CMIP: variants seen among roughly 807,000 people sequenced by gnomAD.
CMIP encodes the protein c-Maf inducing protein, also known as C-Maf-inducing protein.
In CMIP, 13 loss-of-function variants were observed where a neutral mutation model predicts 97.3. The observed-to-expected ratio is 0.13, with a 90% confidence interval of 0.09 to 0.21. The LOEUF is 0.21. Among genes scored for constraint, CMIP ranks in the 10% least tolerant of loss-of-function variants. The pLI, the probability that CMIP is intolerant of heterozygous loss-of-function variation, is 1.00. For synonymous variants in CMIP, 538 were observed against 436.3 expected (o/e 1.23, Z -2.91); for missense variants, 847 against 1,024.9 (o/e 0.83, Z 2.37).
chr16:81,505,716 C>T (rs933098059), intron 1 of CMIP, among the ~76,000 whole-genome samples: 1 of 152,226 alleles, frequency 6.6e-6, no homozygotes, highest in Non-Finnish European at 1.5e-5. Flanking sequence ...ACAGGCTGGG[C>T]ACGGTGGCTC....
intron 1 of CMIP, among the ~76,000 whole-genome samples, chr16:81,587,812 G>A (rs1408204850): frequency 6.6e-6 from 1 of 152,218 alleles, no homozygotes; most frequent in Non-Finnish European, 1.5e-5. Flanking sequence ...GAGGGTGAGA[G>A]CCTCAGATGT....
intron 1 of CMIP, among the ~76,000 whole-genome samples, chr16:81,456,100 T>C (rs529324148): frequency 6.6e-6 from 1 of 152,322 alleles, no homozygotes; most frequent in South Asian, 2.1e-4. Flanking sequence ...ACCCTGTGAC[T>C]GAGGCTTGCT....
At chr16:81,566,374 A>G (rs1162027452) in intron 1 of CMIP, among the ~76,000 whole-genome samples, 1 of 151,964 alleles carries the variant, frequency 6.6e-6, no homozygotes, top group Non-Finnish European at 1.5e-5. Flanking sequence ...TTCCTCCCTC[A>G]CTGCTGCTGT....
At chr16:81,615,472 T>C (rs908421862) in intron 2 of CMIP, among the ~76,000 whole-genome samples, 1 of 143,848 alleles carries the variant, frequency 7.0e-6, no homozygotes, top group African/African-American at 2.6e-5. Flanking sequence ...TGTATGTGTA[T>C]TTGTGTGTGT....
chr16:81,669,256 A>C (rs1597223291), intron 7 of CMIP, among the ~76,000 whole-genome samples: 1 of 78,598 alleles, frequency 1.3e-5, no homozygotes. Context: ...CACCTCTCAC[A>C]CTCACCTCCT....
Position 81,691,968 on chromosome 16 carries a change from G to C in CMIP, c.1454+128G>C. The stretch of plus-strand genomic sequence containing the variant: ...GTCACAGCGGGAAGACCCTGGAGAC[G>C]TCGGTACCAGCTCAGCCACGTCCTC... On this transcript the variant is annotated intron_variant, in intron 11 of 20. Transcript: ENST00000537098. 1.1e-5 allele frequency: 9 copies of C among 794,722 alleles called. No individual in the cohort carries two copies. The South Asian group carries it at 1.4e-4, about 12-fold the overall frequency. The allele number at this position is 794,722 out of a possible 1,614,324, so 49.2% of individuals were successfully genotyped here. A position where few individuals can be genotyped will look rare whatever the true frequency, so the allele number is the denominator to read the frequency against.
intron 3 of CMIP, among the ~76,000 whole-genome samples, chr16:81,629,333 A>C (rs1014201086): frequency 6.6e-6 from 1 of 151,136 alleles, no homozygotes; most frequent in African/African-American, 2.4e-5. Context: ...CCCCAAACAC[A>C]CTGGTCGCTG....
intron 17 of CMIP, 84 bp from the exon 18 acceptor site, chr16:81,703,855 G>C: frequency 6.7e-7 from 1 of 1,485,824 alleles, no homozygotes. Flanking sequence ...GGCGAGGGGA[G>C]AGGAGGAGGA....
At chr16:81,470,239 A>G (rs1377654566) in intron 1 of CMIP, among the ~76,000 whole-genome samples, 2 of 152,222 alleles carry the variant, frequency 1.3e-5, no homozygotes, top group Non-Finnish European at 1.5e-5. Context: ...TTTGAGACAA[A>G]GGCGCCGCAG....
intron 1 of CMIP, among the ~76,000 whole-genome samples, chr16:81,595,703 A>G (rs796297142): frequency 6.6e-6 from 1 of 152,106 alleles, no homozygotes; most frequent in South Asian, 2.1e-4. Flanking sequence ...TAATACTTTC[A>G]AGGTTCATCC....
intron 1 of CMIP, among the ~76,000 whole-genome samples, chr16:81,545,600 A>G (rs1240139236): frequency 2.0e-5 from 3 of 152,154 alleles, no homozygotes; most frequent in Non-Finnish European, 2.9e-5. Flanking sequence ...GCTGGAGAGA[A>G]GTGACTTGGT....
At chr16:81,702,540 T>C (rs1907536986) in intron 16 of CMIP, 82 bp from the exon 17 acceptor site, 7 of 1,335,852 alleles carry the variant, frequency 5.2e-6, no homozygotes, top group Non-Finnish European at 7.4e-6. Flanking sequence ...GATGGCTCCA[T>C]GAGTGTTGTT....
intron 10 of CMIP, 126 bp from the exon 11 acceptor site, chr16:81,691,646 TGGA>T: frequency 2.8e-6 from 2 of 717,690 alleles, no homozygotes; most frequent in Non-Finnish European, 5.0e-6. Context: ...TGGAAGTGGG[TGGA>T]GAAGTCAGTG....
intron 1 of CMIP, among the ~76,000 whole-genome samples, chr16:81,560,796 A>G (rs970312083): frequency 3.3e-5 from 5 of 152,218 alleles, no homozygotes; most frequent in African/African-American, 1.2e-4. Context: ...TACCTACAGT[A>G]TTCAGGACAA....
intron 1 of CMIP, among the ~76,000 whole-genome samples, chr16:81,553,430 C>T (rs955563866): frequency 6.6e-6 from 1 of 152,204 alleles, no homozygotes; most frequent in African/African-American, 2.4e-5. Context: ...GCGCTGGCCT[C>T]AGAGGTGCCT....
At chr16:81,562,029 A>G (rs961532247) in intron 1 of CMIP, among the ~76,000 whole-genome samples, 2 of 152,234 alleles carry the variant, frequency 1.3e-5, no homozygotes, top group Admixed American at 6.5e-5. Flanking sequence ...CTCAGGATCT[A>G]TCTGCTGGTA....
chr16:81,641,487 G>A (rs1008888731), intron 3 of CMIP, among the ~76,000 whole-genome samples: 1 of 152,194 alleles, frequency 6.6e-6, no homozygotes, highest in Admixed American at 6.5e-5. Context: ...CAGCTGGCCT[G>A]AAGAGCCAGG....
intron 10 of CMIP, among the ~76,000 whole-genome samples, chr16:81,689,391 C>G (rs1222652629): frequency 6.6e-6 from 1 of 152,198 alleles, no homozygotes; most frequent in Non-Finnish European, 1.5e-5. Flanking sequence ...TTTTCATTTG[C>G]ATTTCTCTGA....
chr16:81,711,353 C>G lies in CMIP; in HGVS notation c.*1554C>G, dbSNP rs1300876160. Reference sequence around the variant, plus strand: ...TTTGCTAGGTAGACTTTATTACCCCCCCACTATGCCCTCATTTTTTTAAAA... The same window carrying G: ...TTTGCTAGGTAGACTTTATTACCCCGCCACTATGCCCTCATTTTTTTAAAA... On this transcript the variant is annotated 3_prime_UTR_variant, in exon 21 of 21. Coordinates refer to ENST00000537098, the MANE Select transcript of CMIP (RefSeq NM_198390.3). 6.6e-6 allele frequency: 1 copy of G among 152,232 alleles called. No homozygotes were observed. The highest frequency in any genetic ancestry group is 2.4e-5 in the African/African-American group (1 of 41,346). 9.4% of individuals were successfully genotyped at this position (152,232 alleles called of 1,614,324 possible). A position where few individuals can be genotyped will look rare whatever the true frequency, so the allele number is the denominator to read the frequency against.
Sources: allele counts gnomAD v4.1 joint callset (sites outside exome capture counted in the v4.1 genomes callset), GRCh38; gene constraint gnomAD v4.1.1; transcripts MANE v1.5; gene names NCBI Gene and HGNC (gene_info 2026-07-23, HGNC 2026-07-21).